WNK4: variants seen among roughly 807,000 people sequenced by gnomAD.
WNK4 encodes WNK lysine deficient protein kinase 4, also known as serine/threonine-protein kinase WNK4.
WNK4 carries 94 observed loss-of-function variants against 116.2 expected under a neutral mutation model. That is an observed-to-expected ratio of 0.81 (90% confidence interval 0.68 to 0.96). The LOEUF is 0.96. Among genes scored for constraint, WNK4 ranks in the 40% least tolerant of loss-of-function variants. The pLI is 0.00. For missense variants in WNK4, 1,542 were observed against 1,650.6 expected (o/e 0.93, Z 1.14); for synonymous variants, 655 against 672.7 (o/e 0.97, Z 0.41).
chr17:42,783,346 T>A (rs971509860), intron 2 of WNK4, among the ~76,000 whole-genome samples: 1 of 152,178 alleles, frequency 6.6e-6, no homozygotes, highest in African/African-American at 2.4e-5. Flanking sequence ...CTTTCCCAGT[T>A]GAAAATCTGA....
rs761145984 is a variant in WNK4 at position 42,780,802 on chromosome 17, G to A, written c.104G>A (p.Arg35His). The change falls in exon 1 of 19, where the codon CGC becomes CAC. Residue 35 changes from arginine to histidine, a missense_variant. By Grantham distance (29) the Arg-to-His change is conservative. Coordinates refer to ENST00000246914, the MANE Select transcript of WNK4 (RefSeq NM_032387.5). Reference protein sequence around the residue: ...PPPLGTAGQPRLGPPPRRARR... With the variant: ...PPPLGTAGQPHLGPPPRRARR... ...CCTCTTGGCACCGCGGGGCAGCCCC[G>A]CCTCGGGCCCCCTCCTCGCCGAGCG... 5.0e-6 allele frequency: 8 copies of A among 1,602,992 alleles called. No individual in the cohort carries two copies. The Admixed American group carries it at 6.7e-5, about 13-fold the overall frequency.
chr17:42,786,284 C>A (rs919204405), intron 6 of WNK4, among the ~76,000 whole-genome samples: 2 of 152,128 alleles, frequency 1.3e-5, no homozygotes, highest in Admixed American at 6.5e-5. Flanking sequence ...GCAAAGCTTG[C>A]GGCTAAAAGG....
intron 1 of WNK4, among the ~76,000 whole-genome samples, chr17:42,781,921 G>T (rs2054487783): frequency 6.6e-6 from 1 of 152,220 alleles, no homozygotes; most frequent in African/African-American, 2.4e-5. Context: ...AGTGAGTCCA[G>T]TTCTGCTCCT....
At chr17:42,785,004 C>A in intron 4 of WNK4, 93 bp from the exon 5 acceptor site, 1 of 1,327,536 alleles carries the variant, frequency 7.5e-7, no homozygotes, top group Non-Finnish European at 1.1e-6. Flanking sequence ...CGCGCAGCTG[C>A]CTAAGGAGGG....
At position 42,795,486 on chromosome 17, in the gene WNK4, T is replaced by A. The variant is rs879824546; in HGVS notation, c.2987T>A (p.Leu996His). ...GCCTCACCACCTCCTGCTCGGCCCC[T>A]CCCAGGGGAAGCCAGGCTGGCGCCC... The part of the protein sequence containing the change: ...SEASPPPARP[L>H]PGEARLAPIS... Residue 996 changes from leucine to histidine, a missense_variant, in exon 15 of 19, where the codon CTC (leucine) becomes CAC (histidine). Physicochemically the swap from Leu to His is moderately conservative, Grantham distance 99 (BLOSUM62 -3). Around this residue, in one of 7 missense-constraint regions of WNK4, gnomAD observed 292 missense variants for 290.1 expected, o/e 1.01. Coordinates refer to ENST00000246914, the MANE Select transcript of WNK4 (RefSeq NM_032387.5). 4 of 1,614,070 alleles carry A rather than the reference T, an allele frequency of 2.5e-6. No homozygotes were observed. Among genetic ancestry groups the A allele is most frequent in the Non-Finnish European group, 8.5e-7 (1 of 1,180,038 alleles).
At chr17:42,789,154 T>C (rs1302537947) in intron 11 of WNK4, among the ~76,000 whole-genome samples, 1 of 152,014 alleles carries the variant, frequency 6.6e-6, no homozygotes, top group Non-Finnish European at 1.5e-5. Context: ...CAAGAAAGGC[T>C]GTGAAGGGTG....
In WNK4 at chr17:42,782,846, T is replaced by C; in HGVS notation, c.707T>C (p.Phe236Ser). The stretch of plus-strand genomic sequence containing the variant: ...CTGCAGCACCCCAACATCGTCCGCT[T>C]CTATGATTCGTGGAAGTCGGTGCTG... ...KGLQHPNIVR[F>S]YDSWKSVLRG... The change falls in exon 2 of 19, where the codon TTC becomes TCC. Residue 236 changes from phenylalanine to serine, a missense_variant. This residue lies in a region of WNK4 where 808 missense variants were observed against 873.6 expected (regional missense o/e 0.92). Transcript: ENST00000246914. This position sits in a 1 kb window ranked among gnomAD's most constrained non-coding sequence, Gnocchi z 4.2. 1 of 1,614,170 alleles carries C rather than the reference T, an allele frequency of 6.2e-7. No individual in the cohort carries two copies. The highest frequency in any genetic ancestry group is 8.5e-7 in the Non-Finnish European group (1 of 1,180,042).
In WNK4 at chr17:42,794,800, G is replaced by C. The variant is rs1285575121; in HGVS notation, c.2379G>C (p.Glu793Asp). The C allele has an allele frequency of 4.3e-6, 7 of 1,613,982 alleles. No homozygotes were observed. The highest frequency in any genetic ancestry group is 5.9e-6 in the Non-Finnish European group (7 of 1,179,980). ...NEELQSSTSL[E>D]HRSWTAFSTS... ...AGCTCCAGAGCAGCACCTCCCTGGA[G>C]CACAGGAGCTGGACAGCCTTCTCCA... The change falls in exon 14 of 19, where the codon GAG becomes GAC. Residue 793 changes from glutamate (E) to aspartate (D), a missense_variant. Physicochemically the swap from Glu to Asp is conservative, Grantham distance 45. This residue lies in a region of WNK4 where 808 missense variants were observed against 873.6 expected (regional missense o/e 0.92). Coordinates refer to ENST00000246914, the MANE Select transcript of WNK4 (RefSeq NM_032387.5).
rs61754343 is a variant in WNK4 at position 42,782,370 on chromosome 17, A to G, written c.619-388A>G. 2.2e-4 allele frequency among the ~76,000 whole-genome samples: 34 copies of G among 152,272 alleles called. No homozygotes were observed. Among genetic ancestry groups the G allele is most frequent in the African/African-American group, 8.2e-4 (34 of 41,568 alleles). Reference sequence around the variant, plus strand: ...GGGGCCAACCCCCTTGCCGGCCCCAATTCCCTGCCCGCAGTATCCTGCTGC... The same window carrying G: ...GGGGCCAACCCCCTTGCCGGCCCCAGTTCCCTGCCCGCAGTATCCTGCTGC... On this transcript the variant is annotated intron_variant, in intron 1 of 18. Transcript: ENST00000246914. This position sits in a 1 kb window ranked among gnomAD's most constrained non-coding sequence, Gnocchi z 4.2.
In WNK4 at chr17:42,782,782, CG is replaced by C; in HGVS notation, c.645del (p.Gln216SerfsTer29). The C allele has an allele frequency of 2.5e-6, 4 of 1,614,164 alleles. No individual in the cohort carries two copies. Among genetic ancestry groups the C allele is most frequent in the Non-Finnish European group, 3.4e-6 (4 of 1,180,022 alleles). On this transcript the variant is annotated frameshift_variant, in exon 2 of 19. Transcript: ENST00000246914. LOFTEE classifies it high-confidence loss of function. This position sits in a 1 kb window ranked among gnomAD's most constrained non-coding sequence, Gnocchi z 4.2. Reference protein sequence around the residue: ...LQTRKLSRAERQRFSEEVEML... With the variant: ...LQTRKLSRAEXQRFSEEVEML... The stretch of plus-strand genomic sequence containing the variant: ...GACTCGGAAACTGTCTAGAGCTGAG[CG>C]GCAGCGCTTCTCAGAGGAGGTGGAG...
In WNK4 at chr17:42,787,853, G is replaced by C. The variant is rs773671544; in HGVS notation, c.1817G>C (p.Gly606Ala). ...TCAGACCCTGCCCTTCAGCCCCCTG[G>C]GGGGGTGCCATCCAGCCTGGCTGAG... Reference protein sequence around the residue: ...DASDPALQPPGGVPSSLAESH... With the variant: ...DASDPALQPPAGVPSSLAESH... The change falls in exon 8 of 19, where the codon GGG (glycine) becomes GCG (alanine). Residue 606 changes from glycine to alanine, a missense_variant. Gly to Ala is a moderately conservative substitution (Grantham distance 60). Around this residue, in one of 7 missense-constraint regions of WNK4, gnomAD observed 808 missense variants for 873.6 expected, o/e 0.92. Transcript: ENST00000246914. The C allele has an allele frequency of 3.1e-6, 5 of 1,612,072 alleles. No individual in the cohort carries two copies. Among genetic ancestry groups the C allele is most frequent in the Admixed American group, 1.7e-5 (1 of 60,022 alleles).
intron 1 of WNK4, 98 bp downstream of exon 1, chr17:42,781,414 T>C: frequency 6.5e-7 from 1 of 1,534,050 alleles, no homozygotes; most frequent in Non-Finnish European, 8.9e-7. Flanking sequence ...AAGGGAAGCA[T>C]GTATTTTTCC....
At chr17:42,788,052 C>T in intron 8 of WNK4, 78 bp from the exon 9 acceptor site, 1 of 1,591,778 alleles carries the variant, frequency 6.3e-7, no homozygotes, top group Non-Finnish European at 8.6e-7. Context: ...CTAATATCCT[C>T]CCAGCATCCT....
chr17:42,793,927 A>C, intron 12 of WNK4, 198 bp downstream of exon 12: 1 of 620,090 alleles, frequency 1.6e-6, no homozygotes, highest in Non-Finnish European at 2.7e-6. Flanking sequence ...ATCTCGGCTC[A>C]CTGCAAGCTC....
In WNK4 at chr17:42,780,786, A is replaced by G; in HGVS notation, c.88A>G (p.Thr30Ala). ...CCTGCGGCCCCCGCCTCCTCTTGGCACCGCGGGGCAGCCCCGCCTCGGGCC... is the reference window on the plus strand; with the variant it reads ...CCTGCGGCCCCCGCCTCCTCTTGGCGCCGCGGGGCAGCCCCGCCTCGGGCC... ...LALRPPPPLGTAGQPRLGPPP... is the reference protein window; with the variant it reads ...LALRPPPPLGAAGQPRLGPPP... The change falls in exon 1 of 19, where the codon ACC (threonine) becomes GCC (alanine). Residue 30 changes from threonine (T) to alanine (A), a missense_variant. Coordinates refer to ENST00000246914, the MANE Select transcript of WNK4 (RefSeq NM_032387.5). 6.2e-7 allele frequency: 1 copy of G among 1,604,146 alleles called. No individual in the cohort carries two copies. Among genetic ancestry groups the G allele is most frequent in the Non-Finnish European group, 8.5e-7 (1 of 1,178,474 alleles).
At chr17:42,788,949 C>T in intron 11 of WNK4, 152 bp downstream of exon 11, 1 of 712,060 alleles carries the variant, frequency 1.4e-6, no homozygotes, top group Non-Finnish European at 2.5e-6. Flanking sequence ...GATGTCTCAG[C>T]CCTTGTTTTG....
chr17:42,790,564 C>A (rs1211186574), intron 11 of WNK4, among the ~76,000 whole-genome samples: 1 of 152,074 alleles, frequency 6.6e-6, no homozygotes, highest in Non-Finnish European at 1.5e-5. Flanking sequence ...AAGCCAGAGA[C>A]ACAGAGGGTT....
In WNK4 at chr17:42,784,329, T is replaced by A; in HGVS notation, c.1013-93T>A. 2 of 1,567,644 alleles carry A rather than the reference T, an allele frequency of 1.3e-6. No individual in the cohort carries two copies. The highest frequency in any genetic ancestry group is 1.7e-6 in the Non-Finnish European group (2 of 1,152,170). On this transcript the variant is annotated intron_variant, in intron 3 of 18. Transcript: ENST00000246914. This position sits in a 1 kb window ranked among gnomAD's most constrained non-coding sequence, Gnocchi z 4.4. ...CAACCCCACTGTGGGCCGGGGTCAC[T>A]TGCACTCGCAGGGTTGCCTGGGGCT...
Position 42,784,874 on chromosome 17 carries a change from TTACAG to T in WNK4, c.1171-222_1171-218del, listed in dbSNP as rs2054526485. 1.4e-5 allele frequency among the ~76,000 whole-genome samples: 2 copies of T among 147,802 alleles called. No individual in the cohort carries two copies. Among genetic ancestry groups the T allele is most frequent in the African/African-American group, 5.3e-5 (2 of 37,926 alleles). On this transcript the variant is annotated intron_variant, in intron 4 of 18. Transcript: ENST00000246914. This position sits in a 1 kb window ranked among gnomAD's most constrained non-coding sequence, Gnocchi z 4.4. ...CGGGGCAAATGTTCCACCCTGCGAT[TTACAG>T]ATGAACAAACAGCGGGAGACTTGTT...
Sources: allele counts gnomAD v4.1 joint callset (sites outside exome capture counted in the v4.1 genomes callset), GRCh38; gene constraint gnomAD v4.1.1; regional missense constraint gnomAD v4.1.1; non-coding constraint Gnocchi (gnomAD v3.1); transcripts MANE v1.5; gene names NCBI Gene and HGNC (gene_info 2026-07-23, HGNC 2026-07-21).